IL3RA: variants seen among roughly 807,000 people sequenced by gnomAD.
The protein encoded by IL3RA is interleukin-3 receptor subunit alpha.
IL3RA carries 73 observed loss-of-function variants against 52.3 expected under a neutral mutation model. The observed-to-expected ratio is 1.40, with a 90% CI of 1.16 to 1.70. The LOEUF is 1.70. Ranked by LOEUF, IL3RA falls within the 40% of genes most tolerant of loss-of-function variation. The pLI is 0.00. For synonymous variants in IL3RA, 260 were observed against 194.0 expected (o/e 1.34, Z -2.83); for missense variants, 664 against 504.4 (o/e 1.32, Z -3.03).
rs2088525033 is a variant in IL3RA at position 1,370,738 on chromosome X, A to T, written c.874+5486A>T. ...TGGTATTCTGTGACAGCAGCCTGAG[A>T]TGGACTAAGCCATCTCATAAGAAGA... On this transcript the variant is annotated intron_variant, in intron 9 of 11. Coordinates refer to ENST00000331035, the MANE Select transcript of IL3RA (RefSeq NM_002183.4). Among the ~76,000 whole-genome samples, 3 of 48,840 alleles carry T rather than the reference A, an allele frequency of 6.1e-5. No individual in the cohort carries two copies. The South Asian group carries it at 3.7e-3, about 60-fold the overall frequency. The allele number at this position is 48,840 out of a possible 152,430, so 32.0% of individuals were successfully genotyped here. A position where few individuals can be genotyped will look rare whatever the true frequency, so the allele number is the denominator to read the frequency against.
At chrX:1,344,052 C>T (rs1292402563) in intron 2 of IL3RA, among the ~76,000 whole-genome samples, 6 of 152,002 alleles carry the variant, frequency 3.9e-5, no homozygotes, top group Admixed American at 3.9e-4. Flanking sequence ...CCTTGGCCTC[C>T]CAAAGTGCTG....
At chrX:1,377,857 A>G (rs2088890209) in intron 9 of IL3RA, among the ~76,000 whole-genome samples, 1 of 144,576 alleles carries the variant, frequency 6.9e-6, no homozygotes, top group African/African-American at 2.6e-5. Context: ...AGCACTGCAG[A>G]GCGAGACTCT....
chrX:1,358,910 C>A, intron 8 of IL3RA, 23 bp downstream of exon 8: 1 of 1,605,340 alleles, frequency 6.2e-7, no homozygotes, highest in Non-Finnish European at 8.5e-7. Context: ...TACCCCCAGC[C>A]GCTGTACTTG....
rs182689861 is a variant in IL3RA at position 1,349,852 on chromosome X, G to A, written c.298+1307G>A. ...TAAATTTTGTATTTTAAGTAGAGAC[G>A]GGGCTTCACCATGTTGGTCTCGAAC... On this transcript the variant is annotated intron_variant, in intron 4 of 11. Transcript: ENST00000331035. Among the ~76,000 whole-genome samples, 792 of 149,494 alleles carry A rather than the reference G, an allele frequency of 5.3e-3. 9 individuals carry two copies. The highest frequency in any genetic ancestry group is 0.019 in the African/African-American group (758 of 40,742).
chrX:1,356,672 C>T (rs188333124), intron 7 of IL3RA, among the ~76,000 whole-genome samples: 3,115 of 151,010 alleles, frequency 0.021, 125 homozygotes, highest in African/African-American at 0.072. Context: ...CTGGGGAGGC[C>T]GAGGCAGGAG....
chrX:1,362,320 CGTCTCTCCCTGTCTGTTTCTATCTCT>C (rs1207860481), intron 8 of IL3RA, among the ~76,000 whole-genome samples: 1 of 107,608 alleles, frequency 9.3e-6, no homozygotes, highest in Non-Finnish European at 2.0e-5. Flanking sequence ...TTTGTATCTC[CGTCTCTCCCTGTCTGTTTCTATCTCT>C]GTCTCTCTCT....
chrX:1,367,806 AGCGGGGTGC>A lies in IL3RA; in HGVS notation c.874+2563_874+2571del, dbSNP rs1203340592. Among the ~76,000 whole-genome samples, 331 of 139,042 alleles carry A rather than the reference AGCGGGGTGC, an allele frequency of 2.4e-3. 1 individual carries two copies. The highest frequency in any genetic ancestry group is 3.9e-3 in the Non-Finnish European group (249 of 64,070). 91.2% of individuals were successfully genotyped at this position (139,042 alleles called of 152,430 possible). A position where few individuals can be genotyped will look rare whatever the true frequency, so the allele number is the denominator to read the frequency against. On this transcript the variant is annotated intron_variant, in intron 9 of 11. Coordinates refer to ENST00000331035, the MANE Select transcript of IL3RA (RefSeq NM_002183.4). ...CGGGCTGAGCGGGGTGCGCCGGGTGAGCGGGGTGCGCGGGGTGAGCGGGGTGCGCCATCC... is the reference window on the plus strand; with the variant it reads ...CGGGCTGAGCGGGGTGCGCCGGGTGAGCGGGGTGAGCGGGGTGCGCCATCC...
intron 8 of IL3RA, among the ~76,000 whole-genome samples, chrX:1,361,604 C>A (rs2087371411): frequency 6.6e-6 from 1 of 151,758 alleles, no homozygotes; most frequent in African/African-American, 2.4e-5. Flanking sequence ...AAAAAAATTA[C>A]CCAGACGTGG....
At chrX:1,362,625 ATTAGTCCATTTTC>A (rs1226187696) in intron 8 of IL3RA, among the ~76,000 whole-genome samples, 1 of 151,610 alleles carries the variant, frequency 6.6e-6, no homozygotes, top group Non-Finnish European at 1.5e-5. Flanking sequence ...GTCCTCCTGT[ATTAGTCCATTTTC>A]ATGGACTAAT....
chrX:1,356,455 A>G, intron 7 of IL3RA, 119 bp downstream of exon 7: 1 of 655,880 alleles, frequency 1.5e-6, no homozygotes, highest in Non-Finnish European at 2.7e-6. Context: ...CACAGAAGGC[A>G]TGGATCATTA....
rs753456162 is a variant in IL3RA, at chrX:1,355,112, A to AGAG, written c.617-1090_617-1088dup. ...GGCAGGAGGAAGAAGGAGCGGGAGG[A>AGAG]GAGGAGGAGGAGGAGGAGGAGAATG... is the stretch of plus-strand genomic sequence containing the variant. On this transcript the variant is annotated intron_variant, in intron 6 of 11. Coordinates refer to ENST00000331035, the MANE Select transcript of IL3RA (RefSeq NM_002183.4). Among the ~76,000 whole-genome samples, 153 of 31,342 alleles carry AGAG rather than the reference A, an allele frequency of 4.9e-3. 16 individuals are homozygous for AGAG. The highest frequency in any genetic ancestry group is 0.027 in the African/African-American group (142 of 5,252). The allele number at this position is 31,342 out of a possible 152,430, so 20.6% of individuals were successfully genotyped here.
At chrX:1,345,254 C>T in intron 2 of IL3RA, 62 bp from the exon 3 acceptor site, 3 of 1,125,552 alleles carry the variant, frequency 2.7e-6, no homozygotes, top group South Asian at 3.0e-5. Flanking sequence ...AACCATACCC[C>T]TTACAATGCC....
In IL3RA at chrX:1,361,165, GTC is replaced by G. The variant is rs202056291; in HGVS notation, c.759+2287_759+2288del. The stretch of plus-strand genomic sequence containing the variant: ...TGTCTCTCTCTCCCTTTCCTTCTCT[GTC>G]TCTCTCTCCCTTCCCCTCTCTCTCT... On this transcript the variant is annotated intron_variant, in intron 8 of 11. Coordinates refer to ENST00000331035, the MANE Select transcript of IL3RA (RefSeq NM_002183.4). Among the ~76,000 whole-genome samples the G allele has an allele frequency of 4.0e-3, 405 of 101,180 alleles. 44 individuals are homozygous for G. The highest frequency in any genetic ancestry group is 0.017 in the African/African-American group (393 of 23,176). 66.4% of individuals were successfully genotyped at this position (101,180 alleles called of 152,430 possible).
rs2086123868 is a variant in IL3RA, at chrX:1,352,241, G to A, written c.431+9G>A. 1.2e-6 allele frequency: 2 copies of A among 1,613,484 alleles called. No homozygotes were observed. The highest frequency in any genetic ancestry group is 8.5e-7 in the Non-Finnish European group (1 of 1,179,612). On this transcript the variant is annotated intron_variant, in intron 5 of 11. Coordinates refer to ENST00000331035, the MANE Select transcript of IL3RA (RefSeq NM_002183.4). ...TACTTGAACGTTGCCAAGTAGGTGTGCCCGTGGGCAGAGGCCGGGCTGTCC... is the reference window on the plus strand; with the variant it reads ...TACTTGAACGTTGCCAAGTAGGTGTACCCGTGGGCAGAGGCCGGGCTGTCC...
intron 2 of IL3RA, among the ~76,000 whole-genome samples, chrX:1,343,523 T>C (rs1259954973): frequency 6.6e-6 from 1 of 151,258 alleles, no homozygotes; most frequent in Non-Finnish European, 1.5e-5. Context: ...AAAAATTAGC[T>C]GGGCGCGGTG....
At chrX:1,358,753 C>A in intron 7 of IL3RA, 108 bp from the exon 8 acceptor site, 5 of 1,175,066 alleles carry the variant, frequency 4.3e-6, no homozygotes, top group Non-Finnish European at 6.3e-6. Flanking sequence ...CTTCCCAGAG[C>A]CCTCACTGTT....
chrX:1,362,936 T>C (rs1291449740), intron 8 of IL3RA, among the ~76,000 whole-genome samples: 10 of 151,872 alleles, frequency 6.6e-5, no homozygotes, highest in African/African-American at 2.2e-4. Context: ...CCACCACGCC[T>C]GGCTAATTTT....
intron 9 of IL3RA, among the ~76,000 whole-genome samples, chrX:1,378,109 C>A (rs1478053399): frequency 4.0e-5 from 6 of 148,794 alleles, no homozygotes; most frequent in Non-Finnish European, 8.9e-5. Flanking sequence ...TCGCTTGAAC[C>A]TGGGAGGTGG....
chrX:1,358,297 G>A (rs17883082), intron 7 of IL3RA, among the ~76,000 whole-genome samples: 3,779 of 152,008 alleles, frequency 0.025, 55 homozygotes, highest in Admixed American at 0.031. Context: ...CTGGGAGGAC[G>A]GTGGGTCTTG....
Sources: allele counts gnomAD v4.1 joint callset (sites outside exome capture counted in the v4.1 genomes callset), GRCh38; gene constraint gnomAD v4.1.1; transcripts MANE v1.5; gene names NCBI Gene and HGNC (gene_info 2026-07-23, HGNC 2026-07-21).